The following ARL10 variants were observed in gnomAD, a reference collection of about 807,000 sequenced individuals.
ARL10 encodes the protein ARF like GTPase 10, also known as ADP-ribosylation factor-like protein 10.
Under a neutral mutation model 26.1 loss-of-function variants are expected in ARL10, and 23 were observed. The observed-to-expected ratio is 0.88, with a 90% CI of 0.63 to 1.25. The LOEUF (loss-of-function observed/expected upper bound fraction) is 1.25. ARL10 is among the 50% of genes most tolerant of loss of function. The pLI, the probability that ARL10 is intolerant of heterozygous loss-of-function variation, is 0.00. For missense variants in ARL10, 300 were observed against 323.6 expected, an observed-to-expected ratio of 0.93 and a Z score of 0.56; for synonymous variants, 138 against 149.1, an observed-to-expected ratio of 0.93 and a Z score of 0.54.
chr5:176,394,068 T>C (rs1389525100), intron 1 of ARL10, among the ~76,000 whole-genome samples: 1 of 152,124 alleles, frequency 6.6e-6, no homozygotes, highest in Non-Finnish European at 1.5e-5. Flanking sequence ...GCCTGTAAAA[T>C]GAGGATCATA....
downstream of ARL10, chr5:176,388,999 C>CAAGGAGAGGACAGA (rs1199790700): frequency 6.2e-7 from 1 of 1,612,880 alleles, no homozygotes. Context: ...AGGAACTGCA[C>CAAGGAGAGGACAGA]AAGGAGAGGA....
In ARL10 at chr5:176,378,099, C is replaced by T. The variant is rs746666118; in HGVS notation, c.*6204C>T. On this transcript the variant is annotated 3_prime_UTR_variant, in exon 4 of 4. Transcript: ENST00000310389. The stretch of plus-strand genomic sequence containing the variant: ...TTTAACAATAGAAGTTTCAAGGGCT[C>T]AGGAAGGACCAGGGGGCCATCTAGG... The T allele has an allele frequency of 9.9e-5, 15 of 152,196 alleles. No individual in the cohort carries two copies. The highest frequency in any genetic ancestry group is 1.8e-4 in the Non-Finnish European group (12 of 68,050). The allele number at this position is 152,196 out of a possible 1,614,324, so 9.4% of individuals were successfully genotyped here.
intron 1 of ARL10, chr5:176,397,898 C>T (rs1017568186): frequency 1.3e-5 from 21 of 1,593,978 alleles, no homozygotes; most frequent in Non-Finnish European, 1.6e-5. Context: ...ACACAGCCCA[C>T]CCAGCCAACC....
chr5:176,388,504 C>A (rs1026225217), exon 2 of ARL10: 1 of 1,613,842 alleles, frequency 6.2e-7, no homozygotes, highest in African/African-American at 1.3e-5. Flanking sequence ...TGTAACCAAA[C>A]TTCTGCCTCC....
downstream of ARL10, among the ~76,000 whole-genome samples, chr5:176,403,286 G>A (rs893662485): frequency 2.6e-5 from 4 of 152,090 alleles, no homozygotes; most frequent in Non-Finnish European, 4.4e-5. Flanking sequence ...CTGATCTCAG[G>A]TGATCCACCC....
chr5:176,396,618 G>T, intron 1 of ARL10: 1 of 951,668 alleles, frequency 1.1e-6, no homozygotes, highest in Non-Finnish European at 1.7e-6. Flanking sequence ...GAGAGAGAGA[G>T]AGAGACAGCA....
chr5:176,388,855 CT>C (rs758087955), downstream of ARL10: 1 of 1,614,208 alleles, frequency 6.2e-7, no homozygotes, highest in Non-Finnish European at 8.5e-7. Flanking sequence ...CGGAGGTCCC[CT>C]TTGAACCATC....
At chr5:176,384,071 C>T (rs1418363241), downstream of ARL10, 5 of 1,578,700 alleles carry the variant, frequency 3.2e-6, no homozygotes, top group Non-Finnish European at 4.3e-6. Context: ...CAGTTCCTTC[C>T]CCAGAGCGGG....
rs61309459 is a variant in ARL10 at position 176,372,998 on chromosome 5, G to A, written c.*1103G>A. On this transcript the variant is annotated 3_prime_UTR_variant, in exon 4 of 4. Coordinates refer to ENST00000310389, the MANE Select transcript of ARL10 (RefSeq NM_173664.6). ...CCCACCTGGCTTTGAGGCTGTCGTC[G>A]ATATCATAGTACTTTACATGGATTC... 5.0e-6 allele frequency: 2 copies of A among 398,424 alleles called. No homozygotes were observed. The highest frequency in any genetic ancestry group is 4.4e-6 in the Non-Finnish European group (1 of 226,062). The allele number at this position is 398,424 out of a possible 1,614,324, so 24.7% of individuals were successfully genotyped here. A position where few individuals can be genotyped will look rare whatever the true frequency, so the allele number is the denominator to read the frequency against.
At position 176,400,335 on chromosome 5, in the gene ARL10, T is replaced by G. The variant is rs556997104; in HGVS notation, c.134-1406T>G. On this transcript the variant is annotated intron_variant, in intron 1 of 1. Transcript: ENST00000514533. ...TGGTGTGGAGTGATGGCTCAGTGAATAGTAGCTAGAATTACTACTATTATT... is the reference window on the plus strand; with the variant it reads ...TGGTGTGGAGTGATGGCTCAGTGAAGAGTAGCTAGAATTACTACTATTATT... Among the ~76,000 whole-genome samples, 14 of 152,334 alleles carry G rather than the reference T, an allele frequency of 9.2e-5. No homozygotes were observed. The South Asian group carries it at 2.9e-3, about 32-fold the overall frequency.
chr5:176,372,957 G>A lies in ARL10; in HGVS notation c.*1062G>A. ...ACATACAGATGTCAGTGGAGACAAAGTTGTGGGTTCCTCCTCCCACCTGGC... is the reference window on the plus strand; with the variant it reads ...ACATACAGATGTCAGTGGAGACAAAATTGTGGGTTCCTCCTCCCACCTGGC... On this transcript the variant is annotated 3_prime_UTR_variant, in exon 4 of 4. Coordinates refer to ENST00000310389, the MANE Select transcript of ARL10 (RefSeq NM_173664.6). 1 of 398,626 alleles carries A rather than the reference G, an allele frequency of 2.5e-6. No individual in the cohort carries two copies. Among genetic ancestry groups the A allele is most frequent in the Non-Finnish European group, 4.4e-6 (1 of 226,064 alleles). The allele number at this position is 398,626 out of a possible 1,614,324, so 24.7% of individuals were successfully genotyped here.
At chr5:176,384,694 C>G, downstream of ARL10, 1 of 403,190 alleles carries the variant, frequency 2.5e-6, no homozygotes, top group East Asian at 4.7e-5. Flanking sequence ...TGTTTCAGCC[C>G]GGGAGGATGA....
At chr5:176,413,463 C>T in the ARL10 span, among the ~76,000 whole-genome samples, 8 of 152,344 alleles carry the variant, frequency 5.3e-5, no homozygotes, top group East Asian at 1.4e-3. Context: ...TCACCCAGGG[C>T]CACAGATCCA....
chr5:176,385,006 T>C, downstream of ARL10: 2 of 579,846 alleles, frequency 3.4e-6, no homozygotes, highest in South Asian at 4.4e-5. Flanking sequence ...AAAACATTTA[T>C]CTGTGAGTGA....
rs950247186 is a variant in ARL10 at position 176,372,088 on chromosome 5, C to T, written c.*193C>T. The T allele has an allele frequency of 3.5e-5, 50 of 1,422,764 alleles. No homozygotes were observed. In the Middle Eastern group the frequency reaches 6.1e-4, roughly 17 times the overall value. 88.1% of individuals were successfully genotyped at this position (1,422,764 alleles called of 1,614,324 possible). Reference sequence around the variant, plus strand: ...CTTCCTGGTGAGGTGGCCGTGAAGCCGAAGCAGGGAGGTGGGTGAGACAGA... The same window carrying T: ...CTTCCTGGTGAGGTGGCCGTGAAGCTGAAGCAGGGAGGTGGGTGAGACAGA... On this transcript the variant is annotated 3_prime_UTR_variant, in exon 4 of 4. Coordinates refer to ENST00000310389, the MANE Select transcript of ARL10 (RefSeq NM_173664.6).
At chr5:176,396,415 CAAG>C in intron 1 of ARL10, 1 of 1,395,172 alleles carries the variant, frequency 7.2e-7, no homozygotes, top group Non-Finnish European at 1.0e-6. Context: ...GCAGGAAACT[CAAG>C]AAACTGTGGT....
rs539570093 is a variant in ARL10 at position 176,393,674 on chromosome 5, C to T, written c.134-8067C>T. On this transcript the variant is annotated intron_variant, in intron 1 of 1. Transcript: ENST00000514533. This position sits in a 1 kb window ranked among gnomAD's most constrained non-coding sequence, Gnocchi z 4.4. ...GCCACAGCCTGGGGCATGAATGCTCCACTGGAGTCTGCTTTTGGTTGGAAT... is the reference window on the plus strand; with the variant it reads ...GCCACAGCCTGGGGCATGAATGCTCTACTGGAGTCTGCTTTTGGTTGGAAT... 5.3e-5 allele frequency among the ~76,000 whole-genome samples: 8 copies of T among 152,184 alleles called. No homozygotes were observed. The highest frequency in any genetic ancestry group is 1.0e-4 in the Non-Finnish European group (7 of 68,030).
At chr5:176,397,566 C>T in intron 1 of ARL10, 1 of 1,324,490 alleles carries the variant, frequency 7.6e-7, no homozygotes, top group Non-Finnish European at 1.1e-6. Flanking sequence ...CAGCCCCCCT[C>T]ATGTCCCCAT....
intron 1 of ARL10, among the ~76,000 whole-genome samples, chr5:176,400,725 C>A (rs1244604078): frequency 6.6e-6 from 1 of 152,202 alleles, no homozygotes; most frequent in African/African-American, 2.4e-5. Context: ...AAGCACTTAT[C>A]AAAACTTCCA....
Sources: gnomAD v4.1 joint callset for allele counts (sites outside exome capture counted in the v4.1 genomes callset) on GRCh38, gnomAD v4.1.1 for gene constraint, Gnocchi (gnomAD v3.1) non-coding constraint, MANE v1.5 for transcripts, NCBI Gene and HGNC (gene_info 2026-07-23, HGNC 2026-07-21) for gene names.